Variants in CMIP observed in about 807,000 individuals in gnomAD.
CMIP encodes the protein c-Maf inducing protein.
A neutral mutation model predicts 97.3 loss-of-function variants in CMIP; 13 were observed. The observed-to-expected ratio is 0.13, with a 90% CI of 0.09 to 0.21. The LOEUF (loss-of-function observed/expected upper bound fraction) is 0.21, where lower values mean the gene tolerates loss of function less well. Among genes scored for constraint, CMIP ranks in the 10% least tolerant of loss-of-function variants. CMIP has a pLI of 1.00. For missense variants in CMIP, 847 were observed against 1,024.9 expected, an observed-to-expected ratio of 0.83 and a Z score of 2.37; for synonymous variants, 538 against 436.3, an observed-to-expected ratio of 1.23 and a Z score of -2.91.
intron 1 of CMIP, among the ~76,000 whole-genome samples, chr16:81,447,251 TC>T (rs1245904869): frequency 7.6e-4 from 115 of 151,316 alleles, no homozygotes; most frequent in Non-Finnish European, 1.3e-3. Context: ...TTTTTTTTTT[TC>T]CTCTTACACT....
At position 81,493,503 on chromosome 16, in the gene CMIP, G is replaced by A. The variant is rs76311388; in HGVS notation, c.300+47962G>A. 1.3e-3 allele frequency among the ~76,000 whole-genome samples: 191 copies of A among 152,346 alleles called. 2 individuals carry two copies. The East Asian group carries it at 0.034, about 27-fold the overall frequency. ...TGGAGTGGGGCACATAGTGTGTACC[G>A]TGTGACTCAAGGGGCTGTCCTCTTT... On this transcript the variant is annotated intron_variant, in intron 1 of 20. Coordinates refer to ENST00000537098, the MANE Select transcript of CMIP (RefSeq NM_198390.3).
At chr16:81,645,289 A>G (rs2092351243) in intron 3 of CMIP, 1 of 1,031,768 alleles carries the variant, frequency 9.7e-7, no homozygotes, top group African/African-American at 1.6e-5. Flanking sequence ...TCCACTCTGC[A>G]GTGCCATGGG....
rs555514766 is a variant in CMIP at position 81,569,170 on chromosome 16, TTCTC to T, written c.301-38392_301-38389del. Among the ~76,000 whole-genome samples, 33 of 152,324 alleles carry T rather than the reference TTCTC, an allele frequency of 2.2e-4. 1 individual carries two copies. In the South Asian group the frequency reaches 5.6e-3, roughly 26 times the overall value. On this transcript the variant is annotated intron_variant, in intron 1 of 20. Transcript: ENST00000537098. ...ATGCTCTTGGGGTGACCTCACCTGG[TTCTC>T]TCTCCCCATCACCCTGTATCCCTTG...
At chr16:81,461,396 A>G (rs1906888612) in intron 1 of CMIP, among the ~76,000 whole-genome samples, 1 of 152,200 alleles carries the variant, frequency 6.6e-6, no homozygotes, top group South Asian at 2.1e-4. Flanking sequence ...TGGGATGGCA[A>G]ATAAGTGACA....
intron 1 of CMIP, chr16:81,475,986 CAAA>C (rs371817286): frequency 1.5e-3 from 599 of 389,682 alleles, no homozygotes; most frequent in Non-Finnish European, 1.7e-3. Flanking sequence ...GACTCCTTCT[CAAA>C]AAAAAAAAAA....
intron 10 of CMIP, among the ~76,000 whole-genome samples, chr16:81,688,922 C>T (rs566040008): frequency 2.6e-5 from 4 of 152,280 alleles, no homozygotes; most frequent in Non-Finnish European, 5.9e-5. Flanking sequence ...GTTTTCTGTC[C>T]TTGCGATAGT....
At chr16:81,566,545 T>G (rs1400958639) in intron 1 of CMIP, among the ~76,000 whole-genome samples, 1 of 152,204 alleles carries the variant, frequency 6.6e-6, no homozygotes, top group Non-Finnish European at 1.5e-5. Flanking sequence ...TCTCTGTTTC[T>G]TCATATTCAA....
At chr16:81,484,782 C>G (rs950232359) in intron 1 of CMIP, among the ~76,000 whole-genome samples, 1 of 152,154 alleles carries the variant, frequency 6.6e-6, no homozygotes, top group African/African-American at 2.4e-5. Context: ...GTGGGGTTCA[C>G]TCTACCTTTG....
chr16:81,660,928 C>A lies in CMIP; in HGVS notation c.726C>A (p.Leu242=). The part of the protein sequence containing the change: ...LLENNHPPPD[L]CEFFCKHCRE... Reference sequence around the variant, plus strand: ...AAAACAACCACCCACCACCAGATCTCTGTGAATTCTTTTGCAAGGTACGGG... The same window carrying A: ...AAAACAACCACCCACCACCAGATCTATGTGAATTCTTTTGCAAGGTACGGG... The change falls in exon 6 of 21, where the codon CTC becomes CTA. Residue 242 remains leucine (L), a synonymous_variant. Transcript: ENST00000537098. 1 of 1,614,026 alleles carries A rather than the reference C, an allele frequency of 6.2e-7. No homozygotes were observed. Among genetic ancestry groups the A allele is most frequent in the South Asian group, 1.1e-5 (1 of 91,088 alleles).
chr16:81,576,318 C>T (rs1033343073), intron 1 of CMIP, among the ~76,000 whole-genome samples: 5 of 152,076 alleles, frequency 3.3e-5, no homozygotes, highest in South Asian at 4.1e-4. Flanking sequence ...GGAGGAGAAT[C>T]GCTTGAACCC....
chr16:81,615,830 G>A (rs1420124208), intron 2 of CMIP, among the ~76,000 whole-genome samples: 4 of 152,046 alleles, frequency 2.6e-5, no homozygotes. Context: ...GTTCTCAAAG[G>A]GGTCCATAAA....
intron 1 of CMIP, among the ~76,000 whole-genome samples, chr16:81,480,517 G>A (rs1908194252): frequency 6.6e-6 from 1 of 152,196 alleles, no homozygotes; most frequent in Admixed American, 6.5e-5. Context: ...TTCAGCCTGG[G>A]CGACAGAGTG....
chr16:81,649,843 TAAAC>T (rs983600784), intron 3 of CMIP, among the ~76,000 whole-genome samples: 1 of 152,186 alleles, frequency 6.6e-6, no homozygotes, highest in African/African-American at 2.4e-5. Context: ...TTTTAAAAAT[TAAAC>T]AATTCTCTGG....
intron 1 of CMIP, among the ~76,000 whole-genome samples, chr16:81,595,741 G>T (rs897686051): frequency 2.0e-5 from 3 of 152,042 alleles, no homozygotes; most frequent in African/African-American, 7.2e-5. Flanking sequence ...TTTTATCGCT[G>T]CATAATACTC....
chr16:81,650,889 T>C (rs1317956846), intron 3 of CMIP, among the ~76,000 whole-genome samples: 2 of 152,180 alleles, frequency 1.3e-5, no homozygotes, highest in Admixed American at 6.5e-5. Flanking sequence ...CCACCTCCCG[T>C]CCCACCAGTG....
chr16:81,657,743 T>C, intron 4 of CMIP, 32 bp from the exon 5 acceptor site: 1 of 1,557,300 alleles, frequency 6.4e-7, no homozygotes, highest in Non-Finnish European at 8.7e-7. Context: ...TTTGTTTTGT[T>C]TTCCTCCTGC....
intron 1 of CMIP, among the ~76,000 whole-genome samples, chr16:81,557,789 A>G (rs1161768481): frequency 6.6e-6 from 1 of 152,162 alleles, no homozygotes; most frequent in Non-Finnish European, 1.5e-5. Flanking sequence ...ATTGTGGTGA[A>G]ATACACATAA....
At chr16:81,555,026 C>T (rs1415559972) in intron 1 of CMIP, among the ~76,000 whole-genome samples, 2 of 152,148 alleles carry the variant, frequency 1.3e-5, no homozygotes, top group South Asian at 4.1e-4. Context: ...GTGGGAGGGG[C>T]ACCAGCTGTC....
chr16:81,574,683 G>A (rs1019387798), intron 1 of CMIP, among the ~76,000 whole-genome samples: 1 of 152,206 alleles, frequency 6.6e-6, no homozygotes, highest in Admixed American at 6.5e-5. Flanking sequence ...CTTCTGAGTA[G>A]GTTTGATGTC....
Sources: allele counts gnomAD v4.1 joint callset (sites outside exome capture counted in the v4.1 genomes callset), GRCh38; gene constraint gnomAD v4.1.1; transcripts MANE v1.5; gene names NCBI Gene and HGNC (gene_info 2026-07-23, HGNC 2026-07-21).